The following SFTPD variants were observed in gnomAD, a reference collection of about 807,000 sequenced individuals.
The protein encoded by SFTPD is surfactant protein D.
SFTPD carries 18 observed loss-of-function variants against 34.6 expected under a neutral mutation model. The ratio of observed to expected loss-of-function variants is 0.52; its 90% confidence interval spans 0.36 to 0.77. The LOEUF (loss-of-function observed/expected upper bound fraction) is 0.77, where lower values mean the gene tolerates loss of function less well. Among genes scored for constraint, SFTPD ranks in the 30% least tolerant of loss-of-function variants. SFTPD has a pLI of 0.00. For missense variants in SFTPD, 433 were observed against 468.9 expected, an observed-to-expected ratio of 0.92 and a Z score of 0.71; for synonymous variants, 155 against 180.9, an observed-to-expected ratio of 0.86 and a Z score of 1.15.
chr10:79,945,346 C>T (rs1227877310), intron 2 of SFTPD, among the ~76,000 whole-genome samples: 1 of 151,734 alleles, frequency 6.6e-6, no homozygotes. Context: ...AGCCCCATCC[C>T]ATTCACGTTG....
intron 7 of SFTPD, among the ~76,000 whole-genome samples, chr10:79,940,286 G>T (rs1842598000): frequency 6.6e-6 from 1 of 152,314 alleles, no homozygotes; most frequent in Non-Finnish European, 1.5e-5. Flanking sequence ...CACAAAGTAG[G>T]CAGGAGAGAG....
In SFTPD at chr10:79,937,967, G is replaced by C. The variant is rs375274535; in HGVS notation, c.1013C>G (p.Ala338Gly). 1 of 1,613,552 alleles carries C rather than the reference G, an allele frequency of 6.2e-7. No homozygotes were observed. The highest frequency in any genetic ancestry group is 2.2e-5 in the East Asian group (1 of 44,854). Residue 338 changes from alanine (A) to glycine (G), a missense_variant, in exon 8 of 8, where the codon GCC becomes GGC. Physicochemically the swap from Ala to Gly is moderately conservative, Grantham distance 60 (BLOSUM62 0). Coordinates refer to ENST00000372292, the MANE Select transcript of SFTPD (RefSeq NM_003019.5). ...TGESLVYSNW[A>G]PGEPNDDGGS... The stretch of plus-strand genomic sequence containing the variant: ...GCCATCATCGTTGGGCTCCCCTGGG[G>C]CCCAGTTGGAATAGACCAGGGACTC...
intron 1 of SFTPD, among the ~76,000 whole-genome samples, chr10:79,948,526 T>C (rs1589336979): frequency 6.6e-6 from 1 of 152,126 alleles, no homozygotes; most frequent in African/African-American, 2.4e-5. Context: ...ACAATTTCAT[T>C]GAAAAGGCCA....
chr10:79,958,671 T>G (rs936553953), intron 1 of SFTPD, among the ~76,000 whole-genome samples: 5 of 152,100 alleles, frequency 3.3e-5, no homozygotes, highest in Non-Finnish European at 5.9e-5. Flanking sequence ...ACAAAGAGAC[T>G]TAGACCCCCA....
intron 1 of SFTPD, 64 bp from the exon 2 acceptor site, chr10:79,946,726 G>T: frequency 6.8e-7 from 1 of 1,467,160 alleles, no homozygotes; most frequent in Non-Finnish European, 9.4e-7. Flanking sequence ...TTAGGGCTTG[G>T]CTCAGCTTCT....
At chr10:79,939,993 G>T (rs903048047) in intron 7 of SFTPD, among the ~76,000 whole-genome samples, 1 of 152,166 alleles carries the variant, frequency 6.6e-6, no homozygotes, top group Non-Finnish European at 1.5e-5. Context: ...CTCCAGAGCT[G>T]CAGGTAGAGC....
In SFTPD at chr10:79,938,147, T is replaced by C. The variant is rs773673376; in HGVS notation, c.833A>G (p.Gln278Arg). Residue 278 changes from glutamine (Q) to arginine (R), a missense_variant, in exon 8 of 8, where the codon CAG (glutamine) becomes CGG (arginine). By Grantham distance (43) the Gln-to-Arg change is conservative. Transcript: ENST00000372292. The part of the protein sequence containing the change: ...AGFVKPFTEA[Q>R]LLCTQAGGQL... Reference sequence around the variant, plus strand: ...TCCACCAGCCTGTGTGCACAGCAGCTGTGCCTCCGTAAATGGTTTTACAAA... The same window carrying C: ...TCCACCAGCCTGTGTGCACAGCAGCCGTGCCTCCGTAAATGGTTTTACAAA... The C allele has an allele frequency of 6.2e-7, 1 of 1,612,590 alleles. No homozygotes were observed. Among genetic ancestry groups the C allele is most frequent in the East Asian group, 2.2e-5 (1 of 44,808 alleles).
upstream of SFTPD, among the ~76,000 whole-genome samples, chr10:79,949,296 G>A (rs1285513698): frequency 1.3e-5 from 2 of 152,142 alleles, no homozygotes; most frequent in African/African-American, 4.8e-5. Flanking sequence ...ATAGTTTGCA[G>A]AACACTATCA....
At chr10:79,966,986 C>G (rs1842806457) in intron 1 of SFTPD, among the ~76,000 whole-genome samples, 1 of 143,434 alleles carries the variant, frequency 7.0e-6, no homozygotes, top group Admixed American at 6.9e-5. Flanking sequence ...AAAGGGTATT[C>G]AATTAGGAAA....
In SFTPD at chr10:79,942,837, G is replaced by A. The variant is rs903718838; in HGVS notation, c.242C>T (p.Ala81Val). 3.1e-6 allele frequency: 5 copies of A among 1,613,916 alleles called. No individual in the cohort carries two copies. The highest frequency in any genetic ancestry group is 1.7e-5 in the Admixed American group (1 of 60,006). Residue 81 changes from alanine to valine, a missense_variant, in exon 3 of 8, where the codon GCT becomes GTT. Ala to Val is a moderately conservative substitution (Grantham distance 64). Coordinates refer to ENST00000372292, the MANE Select transcript of SFTPD (RefSeq NM_003019.5). ...AAGQAGMPGQ[A>V]GPVGPKGDNG... ...GTCCCCTTTGGGCCCAACTGGGCCAGCTTGTCCAGGCATCCCTGCTTGCCC... is the reference window on the plus strand; with the variant it reads ...GTCCCCTTTGGGCCCAACTGGGCCAACTTGTCCAGGCATCCCTGCTTGCCC...
chr10:79,959,160 T>G (rs1436100243), intron 1 of SFTPD, among the ~76,000 whole-genome samples: 1 of 149,294 alleles, frequency 6.7e-6, no homozygotes, highest in Non-Finnish European at 1.5e-5. Context: ...TAGAGGGAAA[T>G]TTATAGCACT....
intron 2 of SFTPD, among the ~76,000 whole-genome samples, chr10:79,945,400 C>A (rs1337028954): frequency 6.6e-6 from 1 of 152,146 alleles, no homozygotes; most frequent in African/African-American, 2.4e-5. Flanking sequence ...TGCTTACTTG[C>A]CCCTTACCCC....
chr10:79,965,100 C>T (rs1399986712), intron 1 of SFTPD, among the ~76,000 whole-genome samples: 1 of 152,136 alleles, frequency 6.6e-6, no homozygotes, highest in East Asian at 1.9e-4. Context: ...TTTAAAAACA[C>T]ACCTCACCAA....
At chr10:79,952,101 C>T (rs1309706506), upstream of SFTPD, among the ~76,000 whole-genome samples, 1 of 152,226 alleles carries the variant, frequency 6.6e-6, no homozygotes, top group African/African-American at 2.4e-5. Context: ...AACACCCGTC[C>T]TGTGGCTACC....
rs17882169 is a variant in SFTPD, at chr10:79,940,278, C to T, written c.751+427G>A. ...CCCTTATCTATCAGAGGGACCAGCA[C>T]AAAGTAGGCAGGAGAGAGGCTCTAC... is the stretch of plus-strand genomic sequence containing the variant. On this transcript the variant is annotated intron_variant, in intron 7 of 7. Coordinates refer to ENST00000372292, the MANE Select transcript of SFTPD (RefSeq NM_003019.5). Among the ~76,000 whole-genome samples, 681 of 152,314 alleles carry T rather than the reference C, an allele frequency of 4.5e-3. 5 individuals are homozygous for T. Among genetic ancestry groups the T allele is most frequent in the African/African-American group, 0.016 (656 of 41,570 alleles).
At chr10:79,953,596 T>C (rs1449353170), upstream of SFTPD, among the ~76,000 whole-genome samples, 2 of 152,134 alleles carry the variant, frequency 1.3e-5, no homozygotes, top group Non-Finnish European at 2.9e-5. Context: ...TTGGACAAAC[T>C]AATTATAATG....
At chr10:79,975,358 TTCC>T (rs1409163352) in intron 1 of SFTPD, among the ~76,000 whole-genome samples, 3 of 152,142 alleles carry the variant, frequency 2.0e-5, no homozygotes, top group Non-Finnish European at 4.4e-5. Context: ...TATACTCTCC[TTCC>T]TCCTCCTCAT....
At chr10:79,954,005 T>G (rs77637862), upstream of SFTPD, among the ~76,000 whole-genome samples, 3 of 87,414 alleles carry the variant, frequency 3.4e-5, no homozygotes, top group South Asian at 6.0e-4. Flanking sequence ...TTTTTGTGGG[T>G]TTTTTTTTTT....
intron 1 of SFTPD, chr10:79,968,337 C>T (rs919876213): frequency 1.3e-5 from 2 of 152,196 alleles, no homozygotes; most frequent in Admixed American, 1.3e-4. Flanking sequence ...CTTTCCCCCT[C>T]CCCAGTGTCT....
Sources: allele counts gnomAD v4.1 joint callset (sites outside exome capture counted in the v4.1 genomes callset), GRCh38; gene constraint gnomAD v4.1.1; transcripts MANE v1.5; gene names NCBI Gene and HGNC (gene_info 2026-07-23, HGNC 2026-07-21).